The following BAZ2A variants were observed in gnomAD, a reference collection of about 807,000 sequenced individuals.
BAZ2A encodes bromodomain adjacent to zinc finger domain protein 2A.
BAZ2A carries 34 observed loss-of-function variants against 199.9 expected under a neutral mutation model. The ratio of observed to expected loss-of-function variants is 0.17; its 90% CI spans 0.13 to 0.23. The LOEUF (loss-of-function observed/expected upper bound fraction) is 0.23. Among genes scored for constraint, BAZ2A ranks in the 10% least tolerant of loss-of-function variants. BAZ2A has a pLI of 1.00. For synonymous variants in BAZ2A, 857 were observed against 883.9 expected, an observed-to-expected ratio of 0.97 and a Z score of 0.54; for missense variants, 2,002 against 2,391.1, an observed-to-expected ratio of 0.84 and a Z score of 3.39.
At position 56,611,913 on chromosome 12, in the gene BAZ2A, G is replaced by T; in HGVS notation, c.1469C>A (p.Ser490Tyr). 2 of 1,610,828 alleles carry T rather than the reference G, an allele frequency of 1.2e-6. No individual in the cohort carries two copies. The highest frequency in any genetic ancestry group is 1.7e-6 in the Non-Finnish European group (2 of 1,178,130). ...GGAAGTTACGGGAGAGGCTTTTGGG[G>T]ATGTCACTGAAGCCGTCAACGGGAC... is the stretch of plus-strand genomic sequence containing the variant. The part of the protein sequence containing the change: ...LEVPLTASVT[S>Y]PKASPVTSPA... Residue 490 changes from serine (S) to tyrosine (Y), a missense_variant, in exon 6 of 29, where the codon TCC (serine) becomes TAC (tyrosine). Ser to Tyr is a moderately radical substitution (Grantham distance 144). Transcript: ENST00000549884.
rs991943381 is a variant in BAZ2A, at chr12:56,596,764, A to G, written c.*1854T>C. The G allele has an allele frequency of 6.6e-6, 1 of 152,550 alleles. No homozygotes were observed. Among genetic ancestry groups the G allele is most frequent in the African/African-American group, 2.4e-5 (1 of 41,428 alleles). 9.4% of individuals were successfully genotyped at this position (152,550 alleles called of 1,614,324 possible). On this transcript the variant is annotated 3_prime_UTR_variant, in exon 29 of 29. Transcript: ENST00000549884. ...TCAAATATTCTTCAATCCACCTCTT[A>G]AAAGCAAAAAAAAATCTCAAATAAA...
In BAZ2A at chr12:56,601,105, G is replaced by A. The variant is rs183520874; in HGVS notation, c.4295-7C>T. The A allele has an allele frequency of 2.7e-5, 43 of 1,613,676 alleles. No homozygotes were observed. The Admixed American group carries it at 6.8e-4, about 26-fold the overall frequency. ...CACCAGCCTGAGCACATCTCTGTGA[G>A]CAGATGAGATATATGTGGGGCGCCA... is the stretch of plus-strand genomic sequence containing the variant. On this transcript the variant is annotated splice_region_variant and splice_polypyrimidine_tract_variant and intron_variant, in intron 21 of 28. Transcript: ENST00000549884.
At chr12:56,616,457 C>A (rs1950725820) in intron 2 of BAZ2A, among the ~76,000 whole-genome samples, 1 of 152,204 alleles carries the variant, frequency 6.6e-6, no homozygotes, top group Admixed American at 6.5e-5. Context: ...GCGACAAGAA[C>A]CCAGCTCAGA....
chr12:56,606,639 T>C lies in BAZ2A; in HGVS notation c.2187A>G (p.Gln729=). ...VQRGECQTTI[Q]GQARNKRKQE... ...TCTCTCTGATGTCCCTCACCTGCCC[T>C]TGGATAGTAGTCTGACACTCTCCCC... is the stretch of plus-strand genomic sequence containing the variant. Residue 729 remains glutamine, a synonymous_variant, in exon 11 of 29, where the codon CAA becomes CAG. Transcript: ENST00000549884. 1 of 1,613,588 alleles carries C rather than the reference T, an allele frequency of 6.2e-7. No individual in the cohort carries two copies. Among genetic ancestry groups the C allele is most frequent in the East Asian group, 2.2e-5 (1 of 44,854 alleles).
chr12:56,600,959 G>A lies in BAZ2A; in HGVS notation c.4434C>T (p.Cys1478=), dbSNP rs1362175386. 23 of 1,613,660 alleles carry A rather than the reference G, an allele frequency of 1.4e-5. No individual in the cohort carries two copies. Among genetic ancestry groups the A allele is most frequent in the South Asian group, 2.2e-5 (2 of 91,078 alleles). Residue 1478 remains cysteine, a synonymous_variant, in exon 22 of 29, where the codon TGC becomes TGT. Transcript: ENST00000549884. ...TGTATTTACCAGCTGAGGGCCGCAGGCAGACTTCCTGCAAGAAGTCCCTGT... is the reference window on the plus strand; with the variant it reads ...TGTATTTACCAGCTGAGGGCCGCAGACAGACTTCCTGCAAGAAGTCCCTGT... ...NKHRDFLQEV[C]LRPSADPIFE...
At chr12:56,626,850 G>A (rs1286140763) in intron 1 of BAZ2A, among the ~76,000 whole-genome samples, 3 of 152,180 alleles carry the variant, frequency 2.0e-5, no homozygotes, top group African/African-American at 7.2e-5. Context: ...TGAAGAAAGG[G>A]GAACTTAAAA....
At chr12:56,613,908 C>T in intron 4 of BAZ2A, 45 bp downstream of exon 4, 1 of 1,560,674 alleles carries the variant, frequency 6.4e-7, no homozygotes. Context: ...TAAAGTTTGG[C>T]TACTCTGCAT....
intron 4 of BAZ2A, 30 bp from the exon 5 acceptor site, chr12:56,613,263 G>A: frequency 6.3e-7 from 1 of 1,594,848 alleles, no homozygotes; most frequent in Non-Finnish European, 8.6e-7. Flanking sequence ...AATCAGAGCA[G>A]GATAATGAGA....
At chr12:56,638,313 CAA>C, upstream of BAZ2A, 1 of 1,611,458 alleles carries the variant, frequency 6.2e-7, no homozygotes, top group South Asian at 1.1e-5. Flanking sequence ...GTACAGAGGA[CAA>C]AGACCCCTCA....
intron 1 of BAZ2A, among the ~76,000 whole-genome samples, chr12:56,622,002 T>C (rs145401956): frequency 6.6e-6 from 1 of 151,560 alleles, no homozygotes; most frequent in East Asian, 2.0e-4. Flanking sequence ...CATTAGCTAC[T>C]ATTATTAGAC....
At chr12:56,617,014 G>C (rs1045246175) in intron 2 of BAZ2A, among the ~76,000 whole-genome samples, 1 of 152,176 alleles carries the variant, frequency 6.6e-6, no homozygotes, top group Non-Finnish European at 1.5e-5. Context: ...CAAACTAAAA[G>C]GCAATAAATA....
chr12:56,629,613 G>C (rs1951227335), intron 1 of BAZ2A, among the ~76,000 whole-genome samples: 1 of 152,064 alleles, frequency 6.6e-6, no homozygotes, highest in African/African-American at 2.4e-5. Flanking sequence ...CAAGAGAATG[G>C]GTGCGCTCCC....
rs369087522 is a variant in BAZ2A, at chr12:56,636,222, C to T, written c.-37G>A. The T allele has an allele frequency of 2.5e-6, 4 of 1,586,982 alleles. No homozygotes were observed. The African/African-American group carries it at 4.0e-5, about 16-fold the overall frequency. On this transcript the variant is annotated 5_prime_UTR_variant, in exon 1 of 30. Coordinates refer to the BAZ2A transcript ENST00000379441. Reference sequence around the variant, plus strand: ...ACAGCTCCAGGCTGGGACCACCCAGCTCCTCACTGTCCTTGGGCCTCCACT... The same window carrying T: ...ACAGCTCCAGGCTGGGACCACCCAGTTCCTCACTGTCCTTGGGCCTCCACT...
upstream of BAZ2A, among the ~76,000 whole-genome samples, chr12:56,637,467 T>TATGC (rs1951475029): frequency 6.6e-6 from 1 of 152,234 alleles, no homozygotes; most frequent in African/African-American, 2.4e-5. Flanking sequence ...TATGGTATTA[T>TATGC]ATGCCTCTGC....
intron 1 of BAZ2A, among the ~76,000 whole-genome samples, chr12:56,628,620 G>T (rs543395198): frequency 6.6e-6 from 1 of 152,262 alleles, no homozygotes; most frequent in South Asian, 2.1e-4. Flanking sequence ...ACCAATCTCA[G>T]TCTGTTAATC....
rs545714962 is a variant in BAZ2A at position 56,598,705 on chromosome 12, A to G, written c.5625T>C (p.Ser1875=). The change falls in exon 29 of 29, where the codon TCT becomes TCC. Residue 1875 remains serine (S), a synonymous_variant. Transcript: ENST00000549884. ...TGATGTGCCCAGCCTTGCCTACTTC[A>G]GAGTCATCCTCGTTGAAAGTCTGGC... ...DNCQTFNEDD[S]EVGKAGHIMR... The G allele has an allele frequency of 6.2e-7, 1 of 1,613,768 alleles. No individual in the cohort carries two copies. The highest frequency in any genetic ancestry group is 2.2e-5 in the East Asian group (1 of 44,860).
Position 56,598,928 on chromosome 12 carries a change from C to A in BAZ2A, c.5486G>T (p.Arg1829Leu). 1 of 1,606,578 alleles carries A rather than the reference C, an allele frequency of 6.2e-7. No homozygotes were observed. The highest frequency in any genetic ancestry group is 8.5e-7 in the Non-Finnish European group (1 of 1,176,608). ...ATCCATAGGATTTTTGATGATGCGC[C>A]GGTACCCACTCACCAAACGTGGGTT... ...PVNPRLVSGY[R>L]RIIKNPMDFS... Residue 1829 changes from arginine to leucine, a missense_variant, in exon 28 of 29, where the codon CGG (arginine) becomes CTG (leucine). Transcript: ENST00000549884.
At chr12:56,610,322 G>A in intron 8 of BAZ2A, 87 bp downstream of exon 8, 1 of 1,569,164 alleles carries the variant, frequency 6.4e-7, no homozygotes, top group Non-Finnish European at 8.8e-7. Context: ...CCAGCCTGTT[G>A]TCACTGAGCC....
At chr12:56,621,478 G>A (rs991680690) in intron 1 of BAZ2A, among the ~76,000 whole-genome samples, 1 of 152,100 alleles carries the variant, frequency 6.6e-6, no homozygotes, top group African/African-American at 2.4e-5. Flanking sequence ...TCAGCACAAT[G>A]TAGTGGGCTC....
Sources: allele counts gnomAD v4.1 joint callset (sites outside exome capture counted in the v4.1 genomes callset), GRCh38; gene constraint gnomAD v4.1.1; transcripts MANE v1.5; gene names NCBI Gene and HGNC (gene_info 2026-07-23, HGNC 2026-07-21).